The following NEURL1 variants were observed in gnomAD, a reference collection of about 807,000 sequenced individuals.
NEURL1 encodes E3 ubiquitin-protein ligase NEURL1.
NEURL1 carries 26 observed loss-of-function variants against 41.2 expected under a neutral mutation model. The ratio of observed to expected loss-of-function variants is 0.63; its 90% CI spans 0.46 to 0.87. The LOEUF is 0.87. Among genes scored for constraint, NEURL1 ranks in the 40% least tolerant of loss-of-function variants. NEURL1 has a pLI of 0.00. For missense variants in NEURL1, 761 were observed against 871.1 expected (o/e 0.87, Z 1.59); for synonymous variants, 400 against 402.3 (o/e 0.99, Z 0.07).
At chr10:103,588,728 G>C in intron 4 of NEURL1, 3 of 429,254 alleles carry the variant, frequency 7.0e-6, no homozygotes, top group Non-Finnish European at 1.4e-5. Context: ...GGCAGATCAC[G>C]AGGTGAGGAG....
rs148628208 is a variant in NEURL1 at position 103,539,788 on chromosome 10, G to T, written c.86-31084G>T. On this transcript the variant is annotated intron_variant, in intron 1 of 5. Coordinates refer to ENST00000369780, the MANE Select transcript of NEURL1 (RefSeq NM_004210.5). The stretch of plus-strand genomic sequence containing the variant: ...GGTGTAGGCATGTGACTACATTCTG[G>T]TCAATGAGATGCAAATTAGAATTGT... 4.6e-5 allele frequency among the ~76,000 whole-genome samples: 7 copies of T among 152,322 alleles called. No homozygotes were observed. The East Asian group carries it at 9.6e-4, about 21-fold the overall frequency.
chr10:103,533,535 A>C (rs575397074), intron 1 of NEURL1, among the ~76,000 whole-genome samples: 1 of 145,332 alleles, frequency 6.9e-6, no homozygotes, highest in South Asian at 2.2e-4. Flanking sequence ...ATGCCGGACT[A>C]ATTTTGTATT....
chr10:103,580,696 T>G (rs2035767846), intron 3 of NEURL1, among the ~76,000 whole-genome samples: 1 of 152,164 alleles, frequency 6.6e-6, no homozygotes, highest in Non-Finnish European at 1.5e-5. Flanking sequence ...CTCCTGACCC[T>G]GAGGGGTGGA....
At chr10:103,577,207 G>A (rs1441404815) in intron 3 of NEURL1, among the ~76,000 whole-genome samples, 1 of 151,990 alleles carries the variant, frequency 6.6e-6, no homozygotes, top group Non-Finnish European at 1.5e-5. Context: ...GGGTTTTCTG[G>A]TGCTTCCTTT....
chr10:103,564,076 G>A (rs1205511111), intron 1 of NEURL1, among the ~76,000 whole-genome samples: 1 of 152,178 alleles, frequency 6.6e-6, no homozygotes, highest in Non-Finnish European at 1.5e-5. Flanking sequence ...GTGGTTCTGG[G>A]GCAGAGCTTG....
At position 103,505,227 on chromosome 10, in the gene NEURL1, T is replaced by A. The variant is rs969902435; in HGVS notation, c.85+10755T>A. On this transcript the variant is annotated intron_variant, in intron 1 of 5. Transcript: ENST00000369780. ...CAATACCAAGCCCAGCTAATTTTTT[T>A]TTTTTTTTTTTTGGTAGACGGAGTC... Among the ~76,000 whole-genome samples the A allele has an allele frequency of 2.0e-5, 3 of 150,040 alleles. 1 individual carries two copies. Among genetic ancestry groups the A allele is most frequent in the Admixed American group, 2.0e-4 (3 of 15,086 alleles).
chr10:103,515,227 C>CAAAAAAAAAAAAA (rs57898870), intron 1 of NEURL1: 1 of 98,958 alleles, frequency 1.0e-5, no homozygotes, highest in Non-Finnish European at 1.9e-5. Flanking sequence ...GACTCTGTCT[C>CAAAAAAAAAAAAA]AAAAAAAAAA....
intron 1 of NEURL1, among the ~76,000 whole-genome samples, chr10:103,514,504 C>G (rs2133851310): frequency 6.6e-6 from 1 of 152,246 alleles, no homozygotes; most frequent in South Asian, 2.1e-4. Flanking sequence ...CCATCTGCCC[C>G]TGGGCTTCTC....
At chr10:103,565,319 A>C (rs781364744) in intron 1 of NEURL1, among the ~76,000 whole-genome samples, 4 of 152,182 alleles carry the variant, frequency 2.6e-5, no homozygotes, top group Non-Finnish European at 4.4e-5. Flanking sequence ...CAGCGAGCTG[A>C]GTACAGACAG....
intron 1 of NEURL1, among the ~76,000 whole-genome samples, chr10:103,495,179 G>A (rs77871758): frequency 0.036 from 5,415 of 152,242 alleles, 85 homozygotes; most frequent in Non-Finnish European, 0.044. Flanking sequence ...CCCATTCGGA[G>A]CCTGCCATTC....
intron 1 of NEURL1, chr10:103,555,439 C>A (rs1354799740): frequency 7.4e-7 from 1 of 1,349,198 alleles, no homozygotes; most frequent in Non-Finnish European, 9.9e-7. Flanking sequence ...TGCCTGCGGG[C>A]CCGCCCACCC....
chr10:103,522,994 A>T (rs2034388132), intron 1 of NEURL1, among the ~76,000 whole-genome samples: 1 of 151,882 alleles, frequency 6.6e-6, no homozygotes, highest in Non-Finnish European at 1.5e-5. Context: ...AGCCTTTATT[A>T]TTTTTAATTG....
In NEURL1 at chr10:103,533,772, C is replaced by G. The variant is rs12780198; in HGVS notation, c.86-37100C>G. 5.0e-3 allele frequency among the ~76,000 whole-genome samples: 761 copies of G among 152,090 alleles called. 5 individuals carry two copies. Among genetic ancestry groups the G allele is most frequent in the South Asian group, 7.9e-3 (38 of 4,818 alleles). On this transcript the variant is annotated intron_variant, in intron 1 of 5. Coordinates refer to ENST00000369780, the MANE Select transcript of NEURL1 (RefSeq NM_004210.5). ...AGGATGGTCTCGATCTGCTGACCTT[C>G]TGATCCGCCCGCCTTGGCCTCCCAA...
intron 1 of NEURL1, among the ~76,000 whole-genome samples, chr10:103,523,546 T>C (rs999820341): frequency 4.6e-5 from 7 of 152,178 alleles, no homozygotes; most frequent in Admixed American, 1.3e-4. Flanking sequence ...CTAGCACTTA[T>C]CCCTTCTATC....
chr10:103,515,026 G>T (rs2034167239), intron 1 of NEURL1, among the ~76,000 whole-genome samples: 1 of 152,160 alleles, frequency 6.6e-6, no homozygotes, highest in Admixed American at 6.5e-5. Context: ...TCAGGAGTTT[G>T]AGACTGGCCT....
chr10:103,522,566 C>A (rs1161766545), intron 1 of NEURL1, among the ~76,000 whole-genome samples: 1 of 142,752 alleles, frequency 7.0e-6, no homozygotes, highest in East Asian at 2.0e-4. Context: ...CACGCCATTG[C>A]ACTCCAGCCT....
chr10:103,581,062 C>T (rs1268309012), intron 3 of NEURL1, among the ~76,000 whole-genome samples: 1 of 152,168 alleles, frequency 6.6e-6, no homozygotes, highest in African/African-American at 2.4e-5. Context: ...TGTGCTCAAG[C>T]CAAGCAAATA....
intron 1 of NEURL1, among the ~76,000 whole-genome samples, chr10:103,510,545 C>T (rs914778587): frequency 5.3e-5 from 8 of 152,184 alleles, no homozygotes; most frequent in Non-Finnish European, 8.8e-5. Context: ...CAGCCCCCCT[C>T]CTTGTAGGCC....
At chr10:103,537,595 T>C (rs748620227) in intron 1 of NEURL1, among the ~76,000 whole-genome samples, 1 of 152,136 alleles carries the variant, frequency 6.6e-6, no homozygotes, top group Non-Finnish European at 1.5e-5. Flanking sequence ...GACTTCACCA[T>C]GTTGCCCAGA....
Sources: gnomAD v4.1 joint callset for allele counts (sites outside exome capture counted in the v4.1 genomes callset) on GRCh38, gnomAD v4.1.1 for gene constraint, MANE v1.5 for transcripts, NCBI Gene and HGNC (gene_info 2026-07-23, HGNC 2026-07-21) for gene names.